The following NEMF variants were observed in gnomAD, a reference collection of about 807,000 sequenced individuals.
The protein encoded by NEMF is ribosome quality control complex subunit NEMF.
Under a neutral mutation model 162.2 loss-of-function variants are expected in NEMF, and 89 were observed. The observed-to-expected ratio is 0.55, with a 90% confidence interval of 0.46 to 0.65. NEMF has a LOEUF of 0.65. Among genes scored for constraint, NEMF ranks in the 30% least tolerant of loss-of-function variants. NEMF has a pLI of 0.00. For synonymous variants in NEMF, 421 were observed against 404.5 expected, an observed-to-expected ratio of 1.04 and a Z score of -0.49; for missense variants, 1,133 against 1,261.9, an observed-to-expected ratio of 0.90 and a Z score of 1.55.
chr14:49,849,807 G>C (rs780142030), intron 3 of NEMF: 5 of 152,138 alleles, frequency 3.3e-5, no homozygotes, highest in South Asian at 2.1e-4. Flanking sequence ...ACAACAGGTA[G>C]CATTATTATT....
rs774639443 is a variant in NEMF at position 49,785,079 on chromosome 14, CAA to C, written c.3073+11_3073+12del. ...TGTTTAAAATCATAATTCAAAAAAA[CAA>C]ATTTAAATACCTTTTCCCTTTTTCT... On this transcript the variant is annotated intron_variant, in intron 31 of 32. Coordinates refer to ENST00000298310, the MANE Select transcript of NEMF (RefSeq NM_004713.6). 3.7e-6 allele frequency: 6 copies of C among 1,606,868 alleles called. No individual in the cohort carries two copies. The highest frequency in any genetic ancestry group is 5.1e-6 in the Non-Finnish European group (6 of 1,173,890).
intron 16 of NEMF, among the ~76,000 whole-genome samples, chr14:49,824,616 G>C (rs1892249717): frequency 6.7e-6 from 1 of 148,280 alleles, no homozygotes; most frequent in African/African-American, 2.5e-5. Flanking sequence ...TTTTTTAAGA[G>C]ACGGGGTTTG....
chr14:49,790,158 TAAACAGGACACAAA>T (rs1890373046), intron 26 of NEMF, among the ~76,000 whole-genome samples: 2 of 152,110 alleles, frequency 1.3e-5, no homozygotes, highest in African/African-American at 4.8e-5. Flanking sequence ...TTTGTGTCCC[TAAACAGGACACAAA>T]CACCGTAAAA....
intron 16 of NEMF, 73 bp downstream of exon 16, chr14:49,825,794 A>G: frequency 1.0e-6 from 1 of 1,003,702 alleles, no homozygotes; most frequent in East Asian, 2.4e-5. Flanking sequence ...GAACTGTTTG[A>G]CTTTTCTAAA....
chr14:49,826,807 GA>G (rs1892372817), intron 15 of NEMF, among the ~76,000 whole-genome samples: 2 of 152,256 alleles, frequency 1.3e-5, no homozygotes, highest in African/African-American at 4.8e-5. Context: ...GGGCTGGGGG[GA>G]GTGTTTTTCA....
At chr14:49,786,628 T>G (rs967124603) in intron 29 of NEMF, 90 bp downstream of exon 29, 2 of 1,291,526 alleles carry the variant, frequency 1.5e-6, no homozygotes, top group Non-Finnish European at 2.2e-6. Context: ...TGTCTTAGGT[T>G]TCTAAGTTTT....
At chr14:49,838,417 A>C (rs1327497194) in intron 5 of NEMF, among the ~76,000 whole-genome samples, 6 of 152,218 alleles carry the variant, frequency 3.9e-5, no homozygotes, top group Admixed American at 3.3e-4. Context: ...TTCTAAGATA[A>C]ACCAGTATTT....
At chr14:49,802,426 G>A in intron 22 of NEMF, 27 bp downstream of exon 22, 1 of 1,607,216 alleles carries the variant, frequency 6.2e-7, no homozygotes, top group Non-Finnish European at 8.5e-7. Flanking sequence ...AACATCACAA[G>A]CTAATTTCTT....
intron 15 of NEMF, among the ~76,000 whole-genome samples, chr14:49,826,923 T>C (rs1052656816): frequency 1.3e-5 from 2 of 152,128 alleles, no homozygotes; most frequent in African/African-American, 2.4e-5. Context: ...AGTGGATATG[T>C]AAATGAAGAG....
chr14:49,843,959 C>T lies in NEMF; in HGVS notation c.357+2181G>A, dbSNP rs557180764. ...ACTAAAAATACAAAAATTAGCTGGG[C>T]ATGGTAGTACATGCCAGTAATACCA... is the stretch of plus-strand genomic sequence containing the variant. On this transcript the variant is annotated intron_variant, in intron 4 of 32. Coordinates refer to ENST00000298310, the MANE Select transcript of NEMF (RefSeq NM_004713.6). 3.3e-5 allele frequency among the ~76,000 whole-genome samples: 5 copies of T among 152,068 alleles called. No individual in the cohort carries two copies. The South Asian group carries it at 1.0e-3, about 32-fold the overall frequency.
chr14:49,789,844 G>C lies in NEMF; in HGVS notation c.2620-271C>G, dbSNP rs112896604. Among the ~76,000 whole-genome samples the C allele has an allele frequency of 2.8e-4, 42 of 152,264 alleles. No individual in the cohort carries two copies. Among genetic ancestry groups the C allele is most frequent in the Non-Finnish European group, 3.5e-4 (24 of 68,006 alleles). On this transcript the variant is annotated intron_variant, in intron 26 of 32. Transcript: ENST00000298310. Reference sequence around the variant, plus strand: ...TGTGAGGAAGAAATAAAGTAAAACAGTATTGGAAAAGCAAGTCTAAAAAGG... The same window carrying C: ...TGTGAGGAAGAAATAAAGTAAAACACTATTGGAAAAGCAAGTCTAAAAAGG...
In NEMF at chr14:49,840,786, T is replaced by C. The variant is rs377388213; in HGVS notation, c.438A>G (p.Lys146=). The C allele has an allele frequency of 9.3e-6, 15 of 1,613,908 alleles. No homozygotes were observed. In the African/African-American group the frequency reaches 1.7e-4, roughly 19 times the overall value. ...GTGGATAGCGTTCACGAACAGCAAA[T>C]TTAACATCATCTGCCTCATCAGTTC... is the stretch of plus-strand genomic sequence containing the variant. ...RFRTDEADDV[K]FAVRERYPLD... The change falls in exon 5 of 33, where the codon AAA becomes AAG. Residue 146 remains lysine (K), a synonymous_variant. Transcript: ENST00000298310.
chr14:49,784,585 CA>C lies in NEMF; in HGVS notation c.*50del. On this transcript the variant is annotated 3_prime_UTR_variant, in exon 33 of 33. Transcript: ENST00000298310. ...CATGGTGCTTTCATCTTTGAACTTC[CA>C]AAAGGCTATAAAATTGGCTCTTCTC... 5 of 1,316,372 alleles carry C rather than the reference CA, an allele frequency of 3.8e-6. No homozygotes were observed. Among genetic ancestry groups the C allele is most frequent in the Non-Finnish European group, 5.4e-6 (5 of 921,692 alleles). 81.5% of individuals were successfully genotyped at this position (1,316,372 alleles called of 1,614,324 possible). A position where few individuals can be genotyped will look rare whatever the true frequency, so the allele number is the denominator to read the frequency against.
intron 7 of NEMF, 23 bp from the exon 8 acceptor site, chr14:49,833,519 A>G: frequency 1.3e-6 from 2 of 1,498,776 alleles, no homozygotes; most frequent in Non-Finnish European, 9.1e-7. Context: ...GAAAAAAAGG[A>G]AAAAAGGAGT....
chr14:49,786,490 G>A (rs570077843), intron 29 of NEMF: 9 of 548,010 alleles, frequency 1.6e-5, no homozygotes, highest in Non-Finnish European at 2.6e-5. Context: ...CCTCTCCTGG[G>A]TAGGGACATT....
At chr14:49,838,585 G>GTT (rs200414717) in intron 5 of NEMF, among the ~76,000 whole-genome samples, 61 of 129,790 alleles carry the variant, frequency 4.7e-4, no homozygotes, top group Non-Finnish European at 7.2e-4. Flanking sequence ...TTTTTGTTTG[G>GTT]TTTTTTTTTT....
intron 27 of NEMF, 21 bp downstream of exon 27, chr14:49,789,475 A>C: frequency 6.2e-7 from 1 of 1,611,034 alleles, no homozygotes; most frequent in Non-Finnish European, 8.5e-7. Context: ...AAAAGAAAAA[A>C]TGTTTTTAGA....
chr14:49,836,886 T>G (rs192537941), intron 6 of NEMF, among the ~76,000 whole-genome samples: 8 of 152,054 alleles, frequency 5.3e-5, no homozygotes, highest in African/African-American at 1.7e-4. Flanking sequence ...AGCCTGGAGG[T>G]GATTTTATAC....
intron 4 of NEMF, among the ~76,000 whole-genome samples, chr14:49,845,405 G>A (rs899214435): frequency 3.3e-5 from 5 of 152,132 alleles, no homozygotes; most frequent in African/African-American, 7.2e-5. Context: ...CACTGTGCCC[G>A]GCCTGAGTCA....
Sources: allele counts gnomAD v4.1 joint callset (sites outside exome capture counted in the v4.1 genomes callset), GRCh38; gene constraint gnomAD v4.1.1; transcripts MANE v1.5; gene names NCBI Gene and HGNC (gene_info 2026-07-23, HGNC 2026-07-21).